EPAS1: variants seen among roughly 807,000 people sequenced by gnomAD.
The protein encoded by EPAS1 is endothelial PAS domain protein 1.
Under a neutral mutation model 87.9 loss-of-function variants are expected in EPAS1, and 23 were observed. That is an observed-to-expected ratio of 0.26 (90% CI 0.19 to 0.37). The LOEUF (loss-of-function observed/expected upper bound fraction) is 0.37, where lower values mean the gene tolerates loss of function less well. Among genes scored for constraint, EPAS1 ranks in the 10% least tolerant of loss-of-function variants. The pLI, the probability that EPAS1 is intolerant of heterozygous loss-of-function variation, is 1.00. For missense variants in EPAS1, 1,138 were observed against 1,120.7 expected, an observed-to-expected ratio of 1.02 and a Z score of -0.22; for synonymous variants, 508 against 444.3, an observed-to-expected ratio of 1.14 and a Z score of -1.80.
intron 2 of EPAS1, 87 bp from the exon 3 acceptor site, chr2:46,356,064 C>T: frequency 6.9e-7 from 1 of 1,440,640 alleles, no homozygotes; most frequent in African/African-American, 1.4e-5. Flanking sequence ...TGCCTTTGCA[C>T]CATCCCTGGC....
At position 46,382,580 on chromosome 2, in the gene EPAS1, T is replaced by C. The variant is rs1345889947; in HGVS notation, c.2443T>C (p.Ser815Pro). ...CCAGTACCAGGACTACAGCCTGTCG[T>C]CAGCCCACAAGGTGTCAGGTGGGTG... The part of the protein sequence containing the change: ...ATQYQDYSLS[S>P]AHKVSGMASR... Residue 815 changes from serine to proline, a missense_variant, in exon 15 of 16, where the codon TCA (serine) becomes CCA (proline). Physicochemically the swap from Ser to Pro is moderately conservative, Grantham distance 74. This residue lies in a region of EPAS1 where 502 missense variants were observed against 427.1 expected (regional missense o/e 1.18). Transcript: ENST00000263734. The C allele has an allele frequency of 3.1e-6, 5 of 1,614,114 alleles. 1 individual carries two copies. The highest frequency in any genetic ancestry group is 2.2e-5 in the South Asian group (2 of 91,074).
chr2:46,377,688 C>A (rs1173649533), intron 9 of EPAS1, among the ~76,000 whole-genome samples: 2 of 152,178 alleles, frequency 1.3e-5, no homozygotes, highest in African/African-American at 2.4e-5. Context: ...GGAGACTGTT[C>A]CGTTTAAAGG....
intron 1 of EPAS1, among the ~76,000 whole-genome samples, chr2:46,342,645 G>C (rs1220496500): frequency 2.6e-5 from 4 of 152,146 alleles, no homozygotes; most frequent in Non-Finnish European, 5.9e-5. Context: ...CTCACTCCAG[G>C]CTGTGTTCAT....
intron 1 of EPAS1, among the ~76,000 whole-genome samples, chr2:46,331,894 T>TC (rs1012674319): frequency 3.3e-5 from 5 of 152,256 alleles, no homozygotes; most frequent in East Asian, 1.9e-4. Context: ...TGTTTTTTTT[T>TC]CCCCGGGCTT....
chr2:46,355,752 A>G (rs6712143), intron 2 of EPAS1, among the ~76,000 whole-genome samples: 52,458 of 152,118 alleles, frequency 0.34, 9,971 homozygotes, highest in East Asian at 0.78. Flanking sequence ...AATAAAGTCT[A>G]TGGTCTGTGT....
At position 46,353,578 on chromosome 2, in the gene EPAS1, G is replaced by A. The variant is rs1000806934; in HGVS notation, c.218-2573G>A. ...ATGATTCTGATGCATACTCAAATTT[G>A]AAAGCACTGAGTTAAGTCATTTTCT... On this transcript the variant is annotated intron_variant, in intron 2 of 15. Coordinates refer to ENST00000263734, the MANE Select transcript of EPAS1 (RefSeq NM_001430.5). 4.6e-5 allele frequency among the ~76,000 whole-genome samples: 7 copies of A among 152,260 alleles called. No individual in the cohort carries two copies. The East Asian group carries it at 1.2e-3, about 25-fold the overall frequency.
chr2:46,353,898 G>A (rs1041800295), intron 2 of EPAS1, among the ~76,000 whole-genome samples: 1 of 152,222 alleles, frequency 6.6e-6, no homozygotes, highest in Non-Finnish European at 1.5e-5. Flanking sequence ...AAGCCACCGG[G>A]GCATTACTCT....
At chr2:46,370,107 C>A (rs558445750) in intron 7 of EPAS1, among the ~76,000 whole-genome samples, 174 bp downstream of exon 7, 53 of 152,302 alleles carry the variant, frequency 3.5e-4, no homozygotes, top group Admixed American at 2.7e-3. Context: ...TGCCACCAGC[C>A]TATAGACTCC....
chr2:46,381,157 C>G (rs1684881191), intron 12 of EPAS1: 2 of 347,442 alleles, frequency 5.8e-6, no homozygotes, highest in South Asian at 5.3e-5. Flanking sequence ...TCCAGAAATG[C>G]CTTCCCATCT....
intron 6 of EPAS1, among the ~76,000 whole-genome samples, chr2:46,365,789 TAGTAAG>T (rs1389786584): frequency 1.3e-5 from 2 of 152,200 alleles, no homozygotes; most frequent in African/African-American, 4.8e-5. Flanking sequence ...GCGTACATAT[TAGTAAG>T]GAAACGCAGT....
At chr2:46,334,424 C>T (rs1199874805) in intron 1 of EPAS1, among the ~76,000 whole-genome samples, 2 of 152,220 alleles carry the variant, frequency 1.3e-5, no homozygotes, top group African/African-American at 4.8e-5. Flanking sequence ...ACTGGCACCT[C>T]TGCCCATTCC....
At chr2:46,314,575 T>C (rs1380998877) in intron 1 of EPAS1, among the ~76,000 whole-genome samples, 2 of 152,238 alleles carry the variant, frequency 1.3e-5, no homozygotes, top group African/African-American at 4.8e-5. Context: ...ATCTTCACAA[T>C]GGACTAGTAA....
intron 1 of EPAS1, among the ~76,000 whole-genome samples, chr2:46,345,076 G>T (rs1036347795): frequency 6.6e-6 from 1 of 152,228 alleles, no homozygotes; most frequent in African/African-American, 2.4e-5. Flanking sequence ...AGGACAGAAC[G>T]AGCCAGCTAG....
intron 1 of EPAS1, among the ~76,000 whole-genome samples, chr2:46,305,516 G>T (rs1287348828): frequency 6.6e-6 from 1 of 152,066 alleles, no homozygotes; most frequent in African/African-American, 2.4e-5. Context: ...TAATTTCCAT[G>T]CCAGATAATG....
At chr2:46,310,262 C>A (rs566083696) in intron 1 of EPAS1, among the ~76,000 whole-genome samples, 3 of 152,002 alleles carry the variant, frequency 2.0e-5, no homozygotes, top group Non-Finnish European at 2.9e-5. Context: ...GATGGTAAAG[C>A]CTTTGTCCCC....
In EPAS1 at chr2:46,381,671, G is replaced by C; in HGVS notation, c.2121G>C (p.Lys707Asn). Residue 707 changes from lysine (K) to asparagine (N), a missense_variant, in exon 13 of 16, where the codon AAG becomes AAC. Lys to Asn is a moderately conservative substitution (Grantham distance 94). Transcript: ENST00000263734. The stretch of plus-strand genomic sequence containing the variant: ...TGGTAGCCCTCTCCAACAAGCTGAA[G>C]CTGAAGCGACAGCTGGAGTATGAAG... ...PAMVALSNKL[K>N]LKRQLEYEEQ... 4 of 1,614,068 alleles carry C rather than the reference G, an allele frequency of 2.5e-6. No individual in the cohort carries two copies. Among genetic ancestry groups the C allele is most frequent in the Non-Finnish European group, 3.4e-6 (4 of 1,180,040 alleles).
chr2:46,384,383 G>T, intron 15 of EPAS1, 126 bp from the exon 16 acceptor site: 1 of 1,355,444 alleles, frequency 7.4e-7, no homozygotes, highest in Non-Finnish European at 1.1e-6. Flanking sequence ...CCGTGGGACA[G>T]ACACCACTGA....
At chr2:46,365,152 C>T (rs79028335) in intron 6 of EPAS1, among the ~76,000 whole-genome samples, 3,106 of 152,280 alleles carry the variant, frequency 0.02, 111 homozygotes, top group African/African-American at 0.071. Flanking sequence ...CATATAATCC[C>T]ACTGCGATTT....
At chr2:46,302,807 C>T (rs549990174) in intron 1 of EPAS1, among the ~76,000 whole-genome samples, 70 of 149,136 alleles carry the variant, frequency 4.7e-4, no homozygotes, top group African/African-American at 1.7e-3. Context: ...GGCGTGGTAA[C>T]TCATGCCTGT....
Sources: allele counts gnomAD v4.1 joint callset (sites outside exome capture counted in the v4.1 genomes callset), GRCh38; gene constraint gnomAD v4.1.1; regional missense constraint gnomAD v4.1.1; transcripts MANE v1.5; gene names NCBI Gene and HGNC (gene_info 2026-07-23, HGNC 2026-07-21).